SUGCT: variants seen among roughly 807,000 people sequenced by gnomAD.
SUGCT encodes succinyl-CoA:glutarate-CoA transferase.
A neutral mutation model predicts 55.0 loss-of-function variants in SUGCT; 41 were observed. The ratio of observed to expected loss-of-function variants is 0.74; its 90% confidence interval spans 0.58 to 0.97. The LOEUF is 0.97. SUGCT is among the 50% of genes least tolerant of loss of function. SUGCT has a pLI of 0.00. For missense variants in SUGCT, 568 were observed against 547.8 expected (o/e 1.04, Z -0.37); for synonymous variants, 187 against 200.4 (o/e 0.93, Z 0.56).
chr7:41,009,357 A>C, the SUGCT span, among the ~76,000 whole-genome samples: 2 of 152,348 alleles, frequency 1.3e-5, no homozygotes, highest in Admixed American at 1.3e-4. Context: ...TTTCTTCATA[A>C]AAATTAGAGG....
At chr7:40,805,168 T>C (rs564391421) in intron 13 of SUGCT, among the ~76,000 whole-genome samples, 3 of 152,312 alleles carry the variant, frequency 2.0e-5, no homozygotes, top group African/African-American at 7.2e-5. Flanking sequence ...GCTTAAGGCA[T>C]GCTAGTTAAT....
the SUGCT span, among the ~76,000 whole-genome samples, chr7:41,035,169 G>A: frequency 6.6e-6 from 1 of 152,180 alleles, no homozygotes. Flanking sequence ...GCCTCTTATA[G>A]CTACAGTATT....
the SUGCT span, among the ~76,000 whole-genome samples, chr7:40,898,696 C>T: frequency 2.0e-5 from 3 of 150,376 alleles, no homozygotes; most frequent in African/African-American, 7.4e-5. Context: ...GAGACTCCGT[C>T]TAAAAAAAAA....
intron 11 of SUGCT, among the ~76,000 whole-genome samples, chr7:40,494,947 G>A (rs2151516025): frequency 6.6e-6 from 1 of 151,766 alleles, no homozygotes; most frequent in East Asian, 1.9e-4. Flanking sequence ...TTTTGCTCTT[G>A]TTGTCCAGGC....
chr7:40,266,440 C>T (rs1040628912), intron 7 of SUGCT, among the ~76,000 whole-genome samples: 2 of 151,898 alleles, frequency 1.3e-5, no homozygotes, highest in African/African-American at 4.8e-5. Flanking sequence ...TGAGCCACTG[C>T]GCCTGGCCTG....
intron 12 of SUGCT, among the ~76,000 whole-genome samples, chr7:40,550,008 A>G (rs1795218456): frequency 6.6e-6 from 1 of 152,194 alleles, no homozygotes; most frequent in South Asian, 2.1e-4. Context: ...CTTGTCACAA[A>G]AGATAGATTG....
intron 12 of SUGCT, among the ~76,000 whole-genome samples, chr7:40,498,324 G>A (rs1792097696): frequency 6.6e-6 from 1 of 152,106 alleles, no homozygotes; most frequent in Non-Finnish European, 1.5e-5. Flanking sequence ...TTGTGACTTA[G>A]CAGAAACTCA....
chr7:40,539,925 A>G (rs1171119877), intron 12 of SUGCT, among the ~76,000 whole-genome samples: 4 of 152,214 alleles, frequency 2.6e-5, no homozygotes, highest in African/African-American at 7.2e-5. Context: ...CACATTTATA[A>G]TCACATCAAA....
intron 6 of SUGCT, among the ~76,000 whole-genome samples, chr7:40,209,230 G>T (rs1787189093): frequency 1.3e-5 from 2 of 152,258 alleles, no homozygotes; most frequent in East Asian, 3.9e-4. Context: ...GGATGCGGTG[G>T]CGTGACTCAT....
At chr7:40,629,404 C>T (rs1433203393) in intron 12 of SUGCT, among the ~76,000 whole-genome samples, 1 of 152,142 alleles carries the variant, frequency 6.6e-6, no homozygotes, top group Non-Finnish European at 1.5e-5. Context: ...AGATGAAGAG[C>T]TTTGAGGAAA....
At chr7:40,642,477 G>T (rs1800314332) in intron 12 of SUGCT, among the ~76,000 whole-genome samples, 1 of 152,144 alleles carries the variant, frequency 6.6e-6, no homozygotes, top group South Asian at 2.1e-4. Flanking sequence ...ACCAGTATTA[G>T]CTGGAGGAAG....
At chr7:40,519,532 G>A (rs945480002) in intron 12 of SUGCT, among the ~76,000 whole-genome samples, 2 of 151,850 alleles carry the variant, frequency 1.3e-5, no homozygotes, top group African/African-American at 4.8e-5. Context: ...CATAAGAGAT[G>A]GCACAGAATG....
intron 13 of SUGCT, among the ~76,000 whole-genome samples, chr7:40,785,652 G>C (rs1789973673): frequency 6.6e-6 from 1 of 151,964 alleles, no homozygotes; most frequent in Non-Finnish European, 1.5e-5. Context: ...TTTCAATGTA[G>C]CATATAAAGA....
intron 13 of SUGCT, among the ~76,000 whole-genome samples, chr7:40,774,900 T>G (rs1015089355): frequency 6.6e-6 from 1 of 152,158 alleles, no homozygotes. Flanking sequence ...ATAAAAAAGT[T>G]AAATAAAATT....
intron 7 of SUGCT, among the ~76,000 whole-genome samples, chr7:40,258,598 C>T (rs771871760): frequency 1.1e-4 from 16 of 152,088 alleles, no homozygotes; most frequent in Non-Finnish European, 2.4e-4. Context: ...AGGCTGGTCT[C>T]GAACTCCTGA....
chr7:40,297,492 T>C (rs906726443), intron 8 of SUGCT, among the ~76,000 whole-genome samples: 1 of 152,134 alleles, frequency 6.6e-6, no homozygotes, highest in Admixed American at 6.5e-5. Flanking sequence ...AACATGAATG[T>C]TCAGGAAAGA....
intron 12 of SUGCT, among the ~76,000 whole-genome samples, chr7:40,497,398 A>C (rs1314921307): frequency 6.6e-6 from 1 of 152,242 alleles, no homozygotes; most frequent in Non-Finnish European, 1.5e-5. Flanking sequence ...TGGAGAAAAA[A>C]AGTGAATGAA....
chr7:40,860,390 C>T lies in SUGCT; in HGVS notation c.1228C>T (p.His410Tyr), dbSNP rs746568323. The change falls in exon 14 of 14, where the codon CAC becomes TAC. Residue 410 changes from histidine to tyrosine, a missense_variant. By Grantham distance (83) the His-to-Tyr change is moderately conservative (BLOSUM62 2). Transcript: ENST00000335693. ...CCCGCTGCTCGGGCAGCACACAACG[C>T]ACATCCTGAAGGAGGTCCTGAGATA... ...PPPLLGQHTT[H>Y]ILKEVLRYDD... The T allele has an allele frequency of 1.9e-6, 3 of 1,614,002 alleles. No individual in the cohort carries two copies. Among genetic ancestry groups the T allele is most frequent in the East Asian group, 2.2e-5 (1 of 44,874 alleles).
At chr7:40,250,684 A>G (rs1372488326) in intron 7 of SUGCT, among the ~76,000 whole-genome samples, 1 of 152,092 alleles carries the variant, frequency 6.6e-6, no homozygotes, top group Non-Finnish European at 1.5e-5. Context: ...TTAACAGAAG[A>G]ACAATTAATT....
Sources: allele counts gnomAD v4.1 joint callset (sites outside exome capture counted in the v4.1 genomes callset), GRCh38; gene constraint gnomAD v4.1.1; transcripts MANE v1.5; gene names NCBI Gene and HGNC (gene_info 2026-07-23, HGNC 2026-07-21).